SETD3: variants seen among roughly 807,000 people sequenced by gnomAD.
SETD3 encodes the protein SET domain containing 3, actin N3(tau)-histidine methyltransferase, also known as actin-histidine N-methyltransferase.
In SETD3, 19 loss-of-function variants were observed where a neutral mutation model predicts 63.0. The ratio of observed to expected loss-of-function variants is 0.30; its 90% confidence interval spans 0.21 to 0.44. The LOEUF is 0.44. Among genes scored for constraint, SETD3 ranks in the 20% least tolerant of loss-of-function variants. SETD3 has a pLI of 1.00. For missense variants in SETD3, 587 were observed against 728.5 expected (o/e 0.81, Z 2.24); for synonymous variants, 286 against 264.1 (o/e 1.08, Z -0.80).
Position 99,398,381 on chromosome 14 carries a change from C to A in SETD3, c.*298G>T. On this transcript the variant is annotated 3_prime_UTR_variant, in exon 13 of 13. Coordinates refer to ENST00000331768, the MANE Select transcript of SETD3 (RefSeq NM_032233.3). ...CTGAGACGGGAACTGAATTCTTCCC[C>A]AGGAAGAAAATACCTATACCCACAA... 1 of 277,694 alleles carries A rather than the reference C, an allele frequency of 3.6e-6. No homozygotes were observed. Among genetic ancestry groups the A allele is most frequent in the South Asian group, 6.6e-5 (1 of 15,112 alleles). The allele number at this position is 277,694 out of a possible 1,614,324, so 17.2% of individuals were successfully genotyped here. A position where few individuals can be genotyped will look rare whatever the true frequency, so the allele number is the denominator to read the frequency against.
In SETD3 at chr14:99,467,210, T is replaced by C. The variant is rs78366418; in HGVS notation, c.-8-1397A>G. Among the ~76,000 whole-genome samples the C allele has an allele frequency of 7.4e-3, 1,129 of 152,270 alleles. 12 individuals are homozygous for C. The highest frequency in any genetic ancestry group is 0.026 in the African/African-American group (1,068 of 41,552). On this transcript the variant is annotated intron_variant, in intron 1 of 12. Coordinates refer to ENST00000331768, the MANE Select transcript of SETD3 (RefSeq NM_032233.3). Reference sequence around the variant, plus strand: ...ATATAATAAGTCTTCTAAAAATCAGTGTAAAATACACAGTGTCAGTCATCC... The same window carrying C: ...ATATAATAAGTCTTCTAAAAATCAGCGTAAAATACACAGTGTCAGTCATCC...
intron 1 of SETD3, among the ~76,000 whole-genome samples, chr14:99,477,846 ATAT>A (rs1201940348): frequency 6.6e-6 from 1 of 151,818 alleles, no homozygotes; most frequent in East Asian, 1.9e-4. Context: ...TTGAGAGTAA[ATAT>A]TATGTAAATT....
chr14:99,448,261 G>T (rs1894248133), intron 6 of SETD3, among the ~76,000 whole-genome samples: 1 of 152,120 alleles, frequency 6.6e-6, no homozygotes, highest in South Asian at 2.1e-4. Context: ...AGCCTGAGAA[G>T]AGAGCCGACA....
At chr14:99,419,003 T>G (rs1265455227) in intron 6 of SETD3, among the ~76,000 whole-genome samples, 1 of 152,176 alleles carries the variant, frequency 6.6e-6, no homozygotes, top group Admixed American at 6.5e-5. Context: ...ATAATACAGT[T>G]GAACAGAATG....
At chr14:99,485,118 C>A (rs543057354), upstream of SETD3, among the ~76,000 whole-genome samples, 89 of 152,338 alleles carry the variant, frequency 5.8e-4, no homozygotes, top group Admixed American at 2.6e-3. Flanking sequence ...ATTTTGAGGA[C>A]TGTCTCTATT....
intron 7 of SETD3, among the ~76,000 whole-genome samples, chr14:99,413,508 T>G (rs1156928371): frequency 2.0e-5 from 3 of 152,248 alleles, no homozygotes; most frequent in Non-Finnish European, 4.4e-5. Flanking sequence ...GTGACTTTTT[T>G]ATTACACTGT....
chr14:99,446,925 C>T (rs1894161632), intron 6 of SETD3, among the ~76,000 whole-genome samples: 1 of 151,996 alleles, frequency 6.6e-6, no homozygotes, highest in Non-Finnish European at 1.5e-5. Context: ...CACACACCAC[C>T]GAGAAGACCC....
chr14:99,469,901 A>C (rs986767553), intron 1 of SETD3, among the ~76,000 whole-genome samples: 1 of 152,220 alleles, frequency 6.6e-6, no homozygotes, highest in Non-Finnish European at 1.5e-5. Flanking sequence ...CCAGTAGCCC[A>C]CATTTCAACT....
chr14:99,461,606 T>C (rs925954117), intron 3 of SETD3, among the ~76,000 whole-genome samples: 17 of 152,228 alleles, frequency 1.1e-4, no homozygotes, highest in Admixed American at 1.1e-3. Flanking sequence ...TTAGGTACTA[T>C]TAGGTAATAC....
At chr14:99,410,565 C>T (rs1891931532) in intron 8 of SETD3, among the ~76,000 whole-genome samples, 2 of 152,158 alleles carry the variant, frequency 1.3e-5, no homozygotes, top group Non-Finnish European at 2.9e-5. Context: ...ACCGAAAAAT[C>T]CTCAACAAAG....
intron 6 of SETD3, among the ~76,000 whole-genome samples, chr14:99,454,673 C>G (rs1259152850): frequency 6.6e-6 from 1 of 152,196 alleles, no homozygotes; most frequent in Admixed American, 6.5e-5. Flanking sequence ...CAACTCTGCT[C>G]GCTCAGCAAC....
At chr14:99,412,177 G>T (rs952202829) in intron 8 of SETD3, 3 of 152,360 alleles carry the variant, frequency 2.0e-5, no homozygotes, top group African/African-American at 7.2e-5. Flanking sequence ...CTAATATCAG[G>T]AAATCTTTAT....
intron 6 of SETD3, among the ~76,000 whole-genome samples, chr14:99,442,159 T>C (rs1221217919): frequency 1.3e-5 from 2 of 152,216 alleles, no homozygotes; most frequent in South Asian, 2.1e-4. Flanking sequence ...AGCCACTTCC[T>C]GGCTGTGAAA....
chr14:99,425,807 A>G (rs1268208143), intron 6 of SETD3, among the ~76,000 whole-genome samples: 1 of 152,236 alleles, frequency 6.6e-6, no homozygotes, highest in Non-Finnish European at 1.5e-5. Context: ...ATCTACTGCA[A>G]AAAGAAAAAA....
chr14:99,446,965 TATTTC>T (rs1449488276), intron 6 of SETD3, among the ~76,000 whole-genome samples: 50 of 112,798 alleles, frequency 4.4e-4, no homozygotes, highest in African/African-American at 1.5e-3. Flanking sequence ...AAAGAAAAAG[TATTTC>T]ATTTCTTTTT....
At chr14:99,435,671 T>C (rs1893437380) in intron 6 of SETD3, among the ~76,000 whole-genome samples, 1 of 151,764 alleles carries the variant, frequency 6.6e-6, no homozygotes, top group African/African-American at 2.4e-5. Context: ...TATCTAGAAA[T>C]ACCTTTCCTT....
chr14:99,428,921 G>A (rs1248965925), intron 6 of SETD3, among the ~76,000 whole-genome samples: 2 of 152,120 alleles, frequency 1.3e-5, no homozygotes, highest in Middle Eastern at 3.2e-3. Context: ...GCAGCAGACA[G>A]CCCAACTAAG....
chr14:99,480,204 G>T (rs779418267), intron 1 of SETD3, among the ~76,000 whole-genome samples: 1 of 152,288 alleles, frequency 6.6e-6, no homozygotes, highest in South Asian at 2.1e-4. Flanking sequence ...TCGCAGAGAG[G>T]AACATAAAAC....
chr14:99,421,393 T>G (rs2139664884), intron 6 of SETD3, among the ~76,000 whole-genome samples: 1 of 152,114 alleles, frequency 6.6e-6, no homozygotes, highest in South Asian at 2.1e-4. Flanking sequence ...TCTGTTTAAA[T>G]GAGTCAATCT....
Sources: allele counts gnomAD v4.1 joint callset (sites outside exome capture counted in the v4.1 genomes callset), GRCh38; gene constraint gnomAD v4.1.1; transcripts MANE v1.5; gene names NCBI Gene and HGNC (gene_info 2026-07-23, HGNC 2026-07-21).